Variants in SCP2 observed in about 807,000 individuals in gnomAD.
SCP2 encodes SCP-2/3-oxoacyl-CoA thiolase.
SCP2 carries 48 observed loss-of-function variants against 71.4 expected under a neutral mutation model. The ratio of observed to expected loss-of-function variants is 0.67; its 90% confidence interval spans 0.53 to 0.86. The LOEUF (loss-of-function observed/expected upper bound fraction) is 0.86, where lower values mean the gene tolerates loss of function less well. SCP2 is among the 40% of genes least tolerant of loss of function. The pLI is 0.00. For synonymous variants in SCP2, 220 were observed against 218.1 expected, an observed-to-expected ratio of 1.01 and a Z score of -0.08; for missense variants, 560 against 655.6, an observed-to-expected ratio of 0.85 and a Z score of 1.59.
intron 11 of SCP2, among the ~76,000 whole-genome samples, chr1:53,013,550 G>A (rs1051700202): frequency 2.0e-5 from 3 of 151,896 alleles, no homozygotes; most frequent in African/African-American, 4.8e-5. Flanking sequence ...AGCCAAGATC[G>A]TGCCACTGCA....
intron 13 of SCP2, 63 bp downstream of exon 13, chr1:53,028,134 T>G: frequency 4.4e-6 from 4 of 905,588 alleles, no homozygotes; most frequent in Non-Finnish European, 7.3e-6. Context: ...GACACAGGTT[T>G]CAGGTGTTGC....
At chr1:53,006,174 G>A (rs1357082029) in intron 11 of SCP2, among the ~76,000 whole-genome samples, 1 of 152,122 alleles carries the variant, frequency 6.6e-6, no homozygotes, top group Non-Finnish European at 1.5e-5. Context: ...GAAAGTGAGG[G>A]GGAGAATGGA....
chr1:53,047,954 T>G lies in SCP2; in HGVS notation c.1548+17T>G, dbSNP rs1481908405. 1 of 1,562,982 alleles carries G rather than the reference T, an allele frequency of 6.4e-7. No individual in the cohort carries two copies. The highest frequency in any genetic ancestry group is 8.8e-7 in the Non-Finnish European group (1 of 1,133,758). ...CCTCAGTCGGTAAGTATGATGGAGC[T>G]TATATCCTGCTAGTAGGTAGGTCTT... is the stretch of plus-strand genomic sequence containing the variant. On this transcript the variant is annotated intron_variant, in intron 15 of 15. Transcript: ENST00000371514.
At chr1:52,999,346 A>C (rs1386927334) in intron 11 of SCP2, among the ~76,000 whole-genome samples, 1 of 152,256 alleles carries the variant, frequency 6.6e-6, no homozygotes, top group Non-Finnish European at 1.5e-5. Flanking sequence ...ATAGAATTCT[A>C]AGAGATTCAG....
At chr1:52,981,906 G>A (rs1447017471) in intron 10 of SCP2, among the ~76,000 whole-genome samples, 2 of 151,776 alleles carry the variant, frequency 1.3e-5, no homozygotes, top group African/African-American at 4.8e-5. Flanking sequence ...TAGGATTTAG[G>A]TTGGTCATTT....
In SCP2 at chr1:52,951,171, A is replaced by C. The variant is rs114812863; in HGVS notation, c.331+285A>C. 0.025 allele frequency among the ~76,000 whole-genome samples: 3,822 copies of C among 152,034 alleles called. 167 individuals are homozygous for C. Among genetic ancestry groups the C allele is most frequent in the African/African-American group, 0.087 (3,623 of 41,456 alleles). ...GTGGCGTGCATCTGTAGTCCCAGCT[A>C]TCTGGGAGGCTGAGGTGGGAGGATG... On this transcript the variant is annotated intron_variant, in intron 4 of 15. Transcript: ENST00000371514.
intron 15 of SCP2, 196 bp from the exon 16 acceptor site, chr1:53,050,413 C>T: frequency 1.9e-6 from 1 of 526,074 alleles, no homozygotes; most frequent in Non-Finnish European, 3.4e-6. Context: ...TGCTGATCTG[C>T]AAAAAGTGTG....
chr1:53,044,417 G>T (rs923914000), intron 14 of SCP2, among the ~76,000 whole-genome samples: 3 of 152,132 alleles, frequency 2.0e-5, no homozygotes, highest in African/African-American at 7.2e-5. Context: ...GACATAATTT[G>T]ATCATCTTTT....
intron 11 of SCP2, among the ~76,000 whole-genome samples, chr1:53,006,703 A>G (rs866600069): frequency 2.0e-5 from 3 of 152,366 alleles, no homozygotes; most frequent in South Asian, 2.1e-4. Flanking sequence ...CATTGATGCT[A>G]GGAAGAAACT....
chr1:52,941,780 CTT>C lies in SCP2; in HGVS notation c.70-14_70-13del. ...CTATACTTGTTTGTATTTATTATCT[CTT>C]TCTATATCTCTAGTTTGTGAAGCCT... On this transcript the variant is annotated splice_polypyrimidine_tract_variant and intron_variant, in intron 1 of 15. Transcript: ENST00000371514. The C allele has an allele frequency of 6.5e-7, 1 of 1,543,608 alleles. No individual in the cohort carries two copies. Among genetic ancestry groups the C allele is most frequent in the Non-Finnish European group, 9.0e-7 (1 of 1,116,680 alleles).
chr1:53,004,215 T>C (rs1219252946), intron 11 of SCP2, among the ~76,000 whole-genome samples: 3 of 152,242 alleles, frequency 2.0e-5, no homozygotes, highest in South Asian at 4.1e-4. Context: ...GCATGCAACT[T>C]AAAACTTATG....
At chr1:52,978,107 C>A in intron 8 of SCP2, 110 bp from the exon 9 acceptor site, 2 of 959,306 alleles carry the variant, frequency 2.1e-6, no homozygotes, top group East Asian at 2.5e-5. Flanking sequence ...AGACAATCCA[C>A]TGACCAGCAA....
intron 13 of SCP2, among the ~76,000 whole-genome samples, chr1:53,035,725 C>T (rs1662878483): frequency 6.6e-6 from 1 of 152,026 alleles, no homozygotes; most frequent in Non-Finnish European, 1.5e-5. Flanking sequence ...TAGAATAAAA[C>T]AACAACAACA....
chr1:52,955,546 T>G (rs750413259), intron 5 of SCP2, among the ~76,000 whole-genome samples: 1 of 151,030 alleles, frequency 6.6e-6, no homozygotes, highest in Non-Finnish European at 1.5e-5. Flanking sequence ...AATAAAAAAC[T>G]CAGTAAAACC....
chr1:52,944,930 A>C (rs1449888021), intron 2 of SCP2, among the ~76,000 whole-genome samples: 1 of 151,888 alleles, frequency 6.6e-6, no homozygotes, highest in Non-Finnish European at 1.5e-5. Context: ...TACAGGCGTG[A>C]GCCACCGTGT....
At chr1:53,029,610 C>T (rs1008165372) in intron 13 of SCP2, among the ~76,000 whole-genome samples, 2 of 152,180 alleles carry the variant, frequency 1.3e-5, no homozygotes, top group Non-Finnish European at 2.9e-5. Flanking sequence ...TCTCATAACC[C>T]TTATTGTAGG....
intron 12 of SCP2, among the ~76,000 whole-genome samples, chr1:53,024,632 A>G (rs1171631131): frequency 6.8e-6 from 1 of 147,836 alleles, no homozygotes; most frequent in Non-Finnish European, 1.5e-5. Flanking sequence ...GTGCAGTGGC[A>G]TGATCTCTGC....
intron 12 of SCP2, among the ~76,000 whole-genome samples, chr1:53,016,396 T>TAGA (rs199867280): frequency 0.01 from 1,536 of 152,222 alleles, 34 homozygotes; most frequent in African/African-American, 0.035. Flanking sequence ...GTTCCTGGAG[T>TAGA]CTCTCATATG....
intron 1 of SCP2, among the ~76,000 whole-genome samples, chr1:52,930,728 G>A (rs1401925935): frequency 2.0e-5 from 3 of 152,216 alleles, no homozygotes; most frequent in African/African-American, 2.4e-5. Context: ...TTCTCACCAC[G>A]TAATGGATTT....
Sources: gnomAD v4.1 joint callset for allele counts (sites outside exome capture counted in the v4.1 genomes callset) on GRCh38, gnomAD v4.1.1 for gene constraint, MANE v1.5 for transcripts, NCBI Gene and HGNC (gene_info 2026-07-23, HGNC 2026-07-21) for gene names.